Variants in CNTNAP5 observed in about 807,000 individuals in gnomAD.
The protein encoded by CNTNAP5 is contactin-associated protein-like 5.
A neutral mutation model predicts 150.2 loss-of-function variants in CNTNAP5; 72 were observed. The observed-to-expected ratio is 0.48, with a 90% CI of 0.40 to 0.58. The LOEUF is 0.58. CNTNAP5 is among the 20% of genes least tolerant of loss of function. The pLI, the probability that CNTNAP5 is intolerant of heterozygous loss-of-function variation, is 0.00. For missense variants in CNTNAP5, 1,636 were observed against 1,626.2 expected (o/e 1.01, Z -0.10); for synonymous variants, 672 against 619.8 (o/e 1.08, Z -1.25).
At chr2:124,725,964 G>T (rs11123063) in intron 13 of CNTNAP5, among the ~76,000 whole-genome samples, 38,583 of 151,726 alleles carry the variant, frequency 0.25, 5,538 homozygotes, top group Non-Finnish European at 0.34. Context: ...ATATGCGTGT[G>T]TGTATATATA....
At chr2:124,835,821 T>C (rs2104686580) in intron 19 of CNTNAP5, among the ~76,000 whole-genome samples, 1 of 152,262 alleles carries the variant, frequency 6.6e-6, no homozygotes, top group East Asian at 1.9e-4. Flanking sequence ...CAGTAAAGAA[T>C]GACCACCTCA....
intron 13 of CNTNAP5, among the ~76,000 whole-genome samples, chr2:124,744,044 C>A (rs1190325884): frequency 6.6e-6 from 1 of 152,146 alleles, no homozygotes. Context: ...TCATAGCACA[C>A]TTGCTGTCCT....
At chr2:124,519,137 T>C (rs1694798737) in intron 8 of CNTNAP5, among the ~76,000 whole-genome samples, 1 of 150,550 alleles carries the variant, frequency 6.6e-6, no homozygotes, top group Non-Finnish European at 1.5e-5. Context: ...AATAGGCAAA[T>C]CCATAGAGGC....
At chr2:124,715,139 G>A (rs570440907) in intron 13 of CNTNAP5, among the ~76,000 whole-genome samples, 342 of 152,292 alleles carry the variant, frequency 2.2e-3, no homozygotes, top group Non-Finnish European at 3.8e-3. Context: ...CAGCTGAACT[G>A]AGTGGGCATT....
At chr2:124,736,694 C>A (rs924839965) in intron 13 of CNTNAP5, among the ~76,000 whole-genome samples, 4 of 152,122 alleles carry the variant, frequency 2.6e-5, no homozygotes, top group Admixed American at 2.6e-4. Flanking sequence ...CCTAAAATGG[C>A]AAAGATGAAT....
In CNTNAP5 at chr2:124,738,645, C is replaced by T. The variant is rs547067950; in HGVS notation, c.2078-8584C>T. Among the ~76,000 whole-genome samples the T allele has an allele frequency of 5.5e-3, 834 of 151,726 alleles. 6 individuals carry two copies. The highest frequency in any genetic ancestry group is 8.3e-3 in the Non-Finnish European group (564 of 67,926). On this transcript the variant is annotated intron_variant, in intron 13 of 23. Coordinates refer to ENST00000682447, the MANE Select transcript of CNTNAP5 (RefSeq NM_001367498.1). ...ACTCTAGAGGCTGTGGCAGGAGAAT[C>T]CCTTGAACCTGGCAGGCAGAGGTTG...
At chr2:124,886,586 C>T (rs62173294) in intron 21 of CNTNAP5, among the ~76,000 whole-genome samples, 24,871 of 151,932 alleles carry the variant, frequency 0.16, 2,532 homozygotes, top group African/African-American at 0.29. Context: ...AGAATTGAAA[C>T]CCAATTTGCT....
At chr2:124,371,976 G>T (rs1690539345) in intron 3 of CNTNAP5, among the ~76,000 whole-genome samples, 1 of 152,066 alleles carries the variant, frequency 6.6e-6, no homozygotes, top group African/African-American at 2.4e-5. Context: ...TGGTGTGTCT[G>T]TGAGGGTGTT....
At chr2:124,550,384 T>A (rs1695600950) in intron 10 of CNTNAP5, among the ~76,000 whole-genome samples, 1 of 152,158 alleles carries the variant, frequency 6.6e-6, no homozygotes, top group Non-Finnish European at 1.5e-5. Flanking sequence ...AACCTCTGTA[T>A]CAGGGTCTTC....
At chr2:124,497,768 C>T (rs1694185599) in intron 7 of CNTNAP5, among the ~76,000 whole-genome samples, 1 of 152,178 alleles carries the variant, frequency 6.6e-6, no homozygotes, top group African/African-American at 2.4e-5. Context: ...GAGGCCTGAG[C>T]TCCCTGTTCA....
intron 12 of CNTNAP5, among the ~76,000 whole-genome samples, chr2:124,622,094 T>C (rs1262398154): frequency 6.6e-6 from 1 of 152,128 alleles, no homozygotes; most frequent in African/African-American, 2.4e-5. Context: ...CCATTAGCTA[T>C]TCTTCCTGAT....
At chr2:124,177,420 A>G (rs1025354585) in intron 1 of CNTNAP5, among the ~76,000 whole-genome samples, 1 of 152,130 alleles carries the variant, frequency 6.6e-6, no homozygotes, top group African/African-American at 2.4e-5. Flanking sequence ...TGGGTTCTCT[A>G]TCAGAAAGTG....
intron 10 of CNTNAP5, among the ~76,000 whole-genome samples, chr2:124,554,052 C>T (rs915470750): frequency 6.6e-6 from 1 of 151,940 alleles, no homozygotes; most frequent in Non-Finnish European, 1.5e-5. Flanking sequence ...AAAGTGATGT[C>T]GAATTTCTTA....
At chr2:124,271,687 A>G (rs1455418715) in intron 3 of CNTNAP5, among the ~76,000 whole-genome samples, 1 of 118,966 alleles carries the variant, frequency 8.4e-6, no homozygotes, top group Non-Finnish European at 1.9e-5. Context: ...CTATCTATCT[A>G]TCTATCTATC....
chr2:124,878,576 C>T (rs953281402), intron 21 of CNTNAP5, among the ~76,000 whole-genome samples: 3 of 152,084 alleles, frequency 2.0e-5, no homozygotes, highest in Admixed American at 6.6e-5. Flanking sequence ...TTTTACTCTT[C>T]TCTCCCACTC....
intron 13 of CNTNAP5, among the ~76,000 whole-genome samples, chr2:124,744,606 T>C (rs1680566847): frequency 6.6e-6 from 1 of 152,226 alleles, no homozygotes; most frequent in Non-Finnish European, 1.5e-5. Flanking sequence ...TGAAATAGTA[T>C]GAATCCTTAG....
intron 21 of CNTNAP5, among the ~76,000 whole-genome samples, chr2:124,890,187 A>G (rs1040761706): frequency 3.3e-5 from 5 of 152,058 alleles, no homozygotes; most frequent in African/African-American, 1.2e-4. Context: ...TACCACTTCA[A>G]TACCAGCTCA....
At chr2:124,628,495 C>G (rs745753006) in intron 12 of CNTNAP5, among the ~76,000 whole-genome samples, 1 of 152,132 alleles carries the variant, frequency 6.6e-6, no homozygotes, top group Admixed American at 6.5e-5. Flanking sequence ...AAAGTAAAAT[C>G]TTTTTCAGAC....
At chr2:124,538,988 T>C (rs559201078) in intron 10 of CNTNAP5, among the ~76,000 whole-genome samples, 13 of 152,220 alleles carry the variant, frequency 8.5e-5, no homozygotes, top group Non-Finnish European at 1.3e-4. Context: ...CTCATTTACA[T>C]TGATGTCCAC....
Sources: allele counts gnomAD v4.1 joint callset (sites outside exome capture counted in the v4.1 genomes callset), GRCh38; gene constraint gnomAD v4.1.1; transcripts MANE v1.5; gene names NCBI Gene and HGNC (gene_info 2026-07-23, HGNC 2026-07-21).